Variants in MTHFS observed in about 807,000 individuals in gnomAD.
The protein encoded by MTHFS is methenyltetrahydrofolate synthetase, also known as 5-formyltetrahydrofolate cyclo-ligase.
MTHFS carries 7 observed loss-of-function variants against 12.7 expected under a neutral mutation model. The observed-to-expected ratio is 0.55, with a 90% CI of 0.31 to 1.03. MTHFS has a LOEUF of 1.03. Ranked by LOEUF, MTHFS falls within the 50% of genes least tolerant of loss-of-function variation. The probability of loss-of-function intolerance (pLI) is 0.05; values close to 1 mark genes in which losing one functional copy is unlikely to be tolerated. For synonymous variants in MTHFS, 100 were observed against 97.1 expected (o/e 1.03, Z -0.18); for missense variants, 252 against 258.1 (o/e 0.98, Z 0.16).
At chr15:79,853,397 C>A (rs2033747817) in intron 2 of MTHFS, among the ~76,000 whole-genome samples, 1 of 152,150 alleles carries the variant, frequency 6.6e-6, no homozygotes, top group South Asian at 2.1e-4. Flanking sequence ...CCATAACAAC[C>A]ATTACTAGCT....
intron 2 of MTHFS, among the ~76,000 whole-genome samples, chr15:79,880,800 A>AAAAAAAAAAAAC (rs1555413496): frequency 6.7e-6 from 1 of 149,358 alleles, no homozygotes; most frequent in African/African-American, 2.4e-5. Flanking sequence ...GCAAAAAAAA[A>AAAAAAAAAAAAC]AAACAAACAA....
intron 2 of MTHFS, among the ~76,000 whole-genome samples, chr15:79,863,045 C>T (rs753490808): frequency 9.2e-5 from 14 of 152,180 alleles, no homozygotes; most frequent in Non-Finnish European, 1.8e-4. Context: ...TCCCCCAACC[C>T]CCTACATCTC....
chr15:79,896,446 A>T (rs980336580), intron 1 of MTHFS, among the ~76,000 whole-genome samples: 4 of 152,068 alleles, frequency 2.6e-5, no homozygotes, highest in Non-Finnish European at 5.9e-5. Context: ...GTAGCTCATT[A>T]ACTTTAGGCC....
At chr15:79,892,352 ATTTAT>A (rs1441623316) in intron 1 of MTHFS, among the ~76,000 whole-genome samples, 21 of 152,314 alleles carry the variant, frequency 1.4e-4, no homozygotes, top group Non-Finnish European at 2.8e-4. Flanking sequence ...AAGAGAGTGG[ATTTAT>A]TTTAACAGAC....
rs549612506 is a variant in MTHFS at position 79,863,486 on chromosome 15, T to C, written c.380-18044A>G. Among the ~76,000 whole-genome samples the C allele has an allele frequency of 2.0e-5, 3 of 152,322 alleles. 1 individual carries two copies. Among genetic ancestry groups the C allele is most frequent in the South Asian group, 4.1e-4 (2 of 4,828 alleles). ...CATGACACCAACTGAAATCACAACCTGCCTTGAGCTGAATGCAGCAGAGGC... is the reference window on the plus strand; with the variant it reads ...CATGACACCAACTGAAATCACAACCCGCCTTGAGCTGAATGCAGCAGAGGC... On this transcript the variant is annotated intron_variant, in intron 2 of 2. Transcript: ENST00000258874.
intron 2 of MTHFS, among the ~76,000 whole-genome samples, chr15:79,849,777 T>C (rs2033679976): frequency 6.6e-6 from 1 of 152,260 alleles, no homozygotes. Flanking sequence ...TCTCTAGATG[T>C]CATAAGATTG....
intron 2 of MTHFS, among the ~76,000 whole-genome samples, chr15:79,887,173 C>T (rs1274029542): frequency 1.3e-5 from 2 of 151,854 alleles, no homozygotes; most frequent in East Asian, 1.9e-4. Flanking sequence ...TGCAGTGAGC[C>T]GAGATAGCGC....
At chr15:79,886,207 A>G (rs2034379713) in intron 2 of MTHFS, among the ~76,000 whole-genome samples, 1 of 152,212 alleles carries the variant, frequency 6.6e-6, no homozygotes. Flanking sequence ...ACAGACAACA[A>G]AAGCTACACC....
chr15:79,844,899 C>A lies in MTHFS; in HGVS notation c.*311G>T. The stretch of plus-strand genomic sequence containing the variant: ...AGTTTACCTTCCTCTCGCACTCAGT[C>A]GGAGCACAGTTCCTCATAAATATTT... On this transcript the variant is annotated 3_prime_UTR_variant, in exon 3 of 3. Transcript: ENST00000258874. 1 of 354,562 alleles carries A rather than the reference C, an allele frequency of 2.8e-6. No homozygotes were observed. The allele number at this position is 354,562 out of a possible 1,614,324, so 22.0% of individuals were successfully genotyped here. A position where few individuals can be genotyped will look rare whatever the true frequency, so the allele number is the denominator to read the frequency against.
chr15:79,869,715 T>G (rs943646486), intron 2 of MTHFS, among the ~76,000 whole-genome samples: 1 of 152,202 alleles, frequency 6.6e-6, no homozygotes, highest in African/African-American at 2.4e-5. Context: ...ATAACAGGCA[T>G]GAGCCACCAT....
chr15:79,892,040 G>A (rs2034483890), intron 1 of MTHFS, among the ~76,000 whole-genome samples: 1 of 151,376 alleles, frequency 6.6e-6, no homozygotes, highest in Non-Finnish European at 1.5e-5. Flanking sequence ...CATGGGTGCT[G>A]AGCAGAACAA....
At position 79,878,445 on chromosome 15, in the gene MTHFS, T is replaced by C. The variant is rs143255605; in HGVS notation, c.379+10648A>G. On this transcript the variant is annotated intron_variant, in intron 2 of 2. Coordinates refer to ENST00000258874, the MANE Select transcript of MTHFS (RefSeq NM_006441.4). ...AGGCAAGACAAGACGGTTAATCAAATTGTAACAGGTTCATAACTCAGGATT... is the reference window on the plus strand; with the variant it reads ...AGGCAAGACAAGACGGTTAATCAAACTGTAACAGGTTCATAACTCAGGATT... 6.2e-4 allele frequency among the ~76,000 whole-genome samples: 94 copies of C among 150,662 alleles called. No individual in the cohort carries two copies. In the Middle Eastern group the frequency reaches 0.014, roughly 22 times the overall value.
intron 2 of MTHFS, among the ~76,000 whole-genome samples, chr15:79,868,398 A>G (rs1465182407): frequency 6.6e-6 from 1 of 152,192 alleles, no homozygotes. Context: ...TAATCTTCTT[A>G]GATTCAAAGA....
chr15:79,875,170 G>A (rs980963365), intron 2 of MTHFS, among the ~76,000 whole-genome samples: 5 of 151,762 alleles, frequency 3.3e-5, no homozygotes, highest in African/African-American at 9.7e-5. Context: ...TATTAATTTC[G>A]AGAACTAATA....
intron 2 of MTHFS, among the ~76,000 whole-genome samples, chr15:79,860,509 T>C (rs2033893782): frequency 6.6e-6 from 1 of 151,970 alleles, no homozygotes; most frequent in Non-Finnish European, 1.5e-5. Flanking sequence ...AAGAGAAAGA[T>C]AAATTCCCGG....
At chr15:79,867,228 A>G (rs1352084322) in intron 2 of MTHFS, among the ~76,000 whole-genome samples, 5 of 152,182 alleles carry the variant, frequency 3.3e-5, no homozygotes, top group African/African-American at 1.2e-4. Context: ...CTCAATGGGA[A>G]CTTGAAAGTT....
intron 2 of MTHFS, among the ~76,000 whole-genome samples, chr15:79,883,463 C>T (rs948537224): frequency 5.3e-5 from 8 of 150,538 alleles, no homozygotes; most frequent in African/African-American, 1.7e-4. Flanking sequence ...AAGGTTTCTG[C>T]TCCGAAAGAG....
upstream of MTHFS, chr15:79,897,124 T>G: frequency 6.4e-6 from 5 of 779,278 alleles, no homozygotes; most frequent in South Asian, 2.8e-5. Flanking sequence ...CCCACCCCGC[T>G]TCCGGGACGC....
intron 2 of MTHFS, among the ~76,000 whole-genome samples, chr15:79,882,863 G>A (rs915022815): frequency 2.0e-5 from 3 of 152,158 alleles, no homozygotes; most frequent in Admixed American, 1.3e-4. Flanking sequence ...TATTCCCCCA[G>A]GCAGGCCCAG....
Sources: allele counts gnomAD v4.1 joint callset (sites outside exome capture counted in the v4.1 genomes callset), GRCh38; gene constraint gnomAD v4.1.1; transcripts MANE v1.5; gene names NCBI Gene and HGNC (gene_info 2026-07-23, HGNC 2026-07-21).